The following GXYLT1 variants were observed in gnomAD, a reference collection of about 807,000 sequenced individuals.
GXYLT1 encodes the protein glucoside xylosyltransferase 1, also known as glycosyltransferase 8 domain containing 3.
A neutral mutation model predicts 54.0 loss-of-function variants in GXYLT1; 29 were observed. The observed-to-expected ratio is 0.54, with a 90% CI of 0.40 to 0.73. The LOEUF is 0.73. GXYLT1 is among the 30% of genes least tolerant of loss of function. The pLI is 0.00. For missense variants in GXYLT1, 490 were observed against 553.4 expected, an observed-to-expected ratio of 0.89 and a Z score of 1.15; for synonymous variants, 176 against 204.1, an observed-to-expected ratio of 0.86 and a Z score of 1.17.
intron 2 of GXYLT1, among the ~76,000 whole-genome samples, chr12:42,124,683 A>G (rs2063972626): frequency 6.6e-6 from 1 of 152,234 alleles, no homozygotes; most frequent in Admixed American, 6.5e-5. Context: ...TTAAAACACA[A>G]TTTAGTGATA....
intron 2 of GXYLT1, among the ~76,000 whole-genome samples, chr12:42,126,470 T>C (rs894406219): frequency 2.7e-4 from 41 of 152,252 alleles, no homozygotes; most frequent in African/African-American, 9.6e-4. Flanking sequence ...TTTAAAGACA[T>C]AAAGCCAGGC....
At chr12:42,129,011 T>C (rs186405071) in intron 2 of GXYLT1, among the ~76,000 whole-genome samples, 21 of 152,222 alleles carry the variant, frequency 1.4e-4, no homozygotes, top group East Asian at 3.9e-4. Context: ...ACGCAGTAAA[T>C]AGATACTCTT....
chr12:42,130,980 C>T (rs2136916379), intron 1 of GXYLT1, among the ~76,000 whole-genome samples: 1 of 152,146 alleles, frequency 6.6e-6, no homozygotes, highest in African/African-American at 2.4e-5. Context: ...TTTTTAACCA[C>T]CCTCCCTGCC....
At chr12:42,134,644 T>C (rs1438950748) in intron 1 of GXYLT1, among the ~76,000 whole-genome samples, 2 of 152,204 alleles carry the variant, frequency 1.3e-5, no homozygotes, top group African/African-American at 4.8e-5. Context: ...ATATGGTTCA[T>C]CCATTCATGT....
At chr12:42,109,541 A>C in intron 4 of GXYLT1, 25 bp downstream of exon 4, 6 of 1,444,070 alleles carry the variant, frequency 4.2e-6, no homozygotes, top group Non-Finnish European at 5.5e-6. Context: ...AAAAAAAAAA[A>C]AAGACACTAG....
intron 4 of GXYLT1, 123 bp downstream of exon 4, chr12:42,109,443 T>C: frequency 1.5e-6 from 1 of 658,408 alleles, no homozygotes; most frequent in Non-Finnish European, 2.2e-6. Context: ...ATGCATTGAT[T>C]TCTATTTACT....
At chr12:42,099,510 T>C (rs2065377371) in intron 5 of GXYLT1, among the ~76,000 whole-genome samples, 1 of 152,214 alleles carries the variant, frequency 6.6e-6, no homozygotes. Flanking sequence ...TTGTCTAATA[T>C]GGGGGCTTGT....
intron 2 of GXYLT1, among the ~76,000 whole-genome samples, chr12:42,127,886 C>T (rs1334033987): frequency 6.6e-6 from 1 of 152,202 alleles, no homozygotes; most frequent in Non-Finnish European, 1.5e-5. Flanking sequence ...TGGAATATTA[C>T]TTGGCTCATA....
chr12:42,102,665 A>G (rs1268696405), intron 5 of GXYLT1, among the ~76,000 whole-genome samples: 3 of 152,148 alleles, frequency 2.0e-5, no homozygotes, highest in Admixed American at 6.5e-5. Flanking sequence ...AATTCCCACC[A>G]TGTCTAATTT....
chr12:42,084,610 G>C lies in GXYLT1; in HGVS notation c.*3176C>G, dbSNP rs200969639. 6.6e-6 allele frequency: 1 copy of C among 152,348 alleles called. No individual in the cohort carries two copies. The highest frequency in any genetic ancestry group is 1.9e-4 in the East Asian group (1 of 5,188). 9.4% of individuals were successfully genotyped at this position (152,348 alleles called of 1,614,324 possible). On this transcript the variant is annotated 3_prime_UTR_variant, in exon 8 of 8. Transcript: ENST00000398675. ...CTTAAAAACCTAAGGCACAGAGAAG[G>C]GTAAATAACATGCCTGAGTTACTAA...
intron 1 of GXYLT1, among the ~76,000 whole-genome samples, chr12:42,142,337 ATTT>A (rs201702582): frequency 5.7e-5 from 8 of 140,186 alleles, no homozygotes; most frequent in Admixed American, 7.1e-5. Context: ...AAAAAAGTTA[ATTT>A]TTTTTTTTTT....
chr12:42,120,548 A>C (rs572829696), intron 2 of GXYLT1, among the ~76,000 whole-genome samples: 1 of 151,742 alleles, frequency 6.6e-6, no homozygotes, highest in Non-Finnish European at 1.5e-5. Flanking sequence ...CCTTCTTTTT[A>C]GAGACAGGGT....
chr12:42,097,838 GC>G lies in GXYLT1; in HGVS notation c.988+71del, dbSNP rs2065365089. 3 of 1,164,182 alleles carry G rather than the reference GC, an allele frequency of 2.6e-6. No individual in the cohort carries two copies. In the East Asian group the frequency reaches 7.2e-5, roughly 28 times the overall value. 72.1% of individuals were successfully genotyped at this position (1,164,182 alleles called of 1,614,324 possible). A position where few individuals can be genotyped will look rare whatever the true frequency, so the allele number is the denominator to read the frequency against. ...TAATATAAGACAGAATCAGATAAGTGCATGTTTTCCTTTTTCACTAAGTATT... is the reference window on the plus strand; with the variant it reads ...TAATATAAGACAGAATCAGATAAGTGATGTTTTCCTTTTTCACTAAGTATT... On this transcript the variant is annotated intron_variant, in intron 6 of 7. Transcript: ENST00000398675.
chr12:42,092,743 G>A (rs1394818213), intron 7 of GXYLT1, among the ~76,000 whole-genome samples: 1 of 151,972 alleles, frequency 6.6e-6, no homozygotes, highest in Admixed American at 6.6e-5. Flanking sequence ...TTCAAAACCT[G>A]TAGCAAAAAA....
At position 42,086,503 on chromosome 12, in the gene GXYLT1, C is replaced by T. The variant is rs2065294196; in HGVS notation, c.*1283G>A. ...ATATCAGGGAGAAAAAGAAGATAACCATATAGATAATCATATTGTTGGTAA... is the reference window on the plus strand; with the variant it reads ...ATATCAGGGAGAAAAAGAAGATAACTATATAGATAATCATATTGTTGGTAA... On this transcript the variant is annotated 3_prime_UTR_variant, in exon 8 of 8. Coordinates refer to ENST00000398675, the MANE Select transcript of GXYLT1 (RefSeq NM_173601.2). The T allele has an allele frequency of 6.6e-6, 1 of 151,914 alleles. No individual in the cohort carries two copies. The highest frequency in any genetic ancestry group is 1.5e-5 in the Non-Finnish European group (1 of 67,996). The allele number at this position is 151,914 out of a possible 1,614,324, so 9.4% of individuals were successfully genotyped here.
Position 42,082,584 on chromosome 12 carries a change from T to C in GXYLT1, c.*5202A>G, listed in dbSNP as rs1009714744. On this transcript the variant is annotated 3_prime_UTR_variant, in exon 8 of 8. Coordinates refer to ENST00000398675, the MANE Select transcript of GXYLT1 (RefSeq NM_173601.2). ...GCCTCAAACTCTTGCACTCAAGCAA[T>C]CCTCCTGCCTCAACTTCCTGTGTAG... 6.6e-6 allele frequency: 1 copy of C among 152,170 alleles called. No individual in the cohort carries two copies. Among genetic ancestry groups the C allele is most frequent in the Non-Finnish European group, 1.5e-5 (1 of 68,040 alleles). The allele number at this position is 152,170 out of a possible 1,614,324, so 9.4% of individuals were successfully genotyped here. A position where few individuals can be genotyped will look rare whatever the true frequency, so the allele number is the denominator to read the frequency against.
chr12:42,109,765 T>C, intron 3 of GXYLT1, 74 bp from the exon 4 acceptor site: 1 of 1,007,516 alleles, frequency 9.9e-7, no homozygotes. Context: ...CAACAGATTA[T>C]AAAACAAAAG....
At chr12:42,098,218 A>G (rs560811419) in intron 5 of GXYLT1, among the ~76,000 whole-genome samples, 185 bp from the exon 6 acceptor site, 18 of 152,304 alleles carry the variant, frequency 1.2e-4, no homozygotes, top group African/African-American at 4.3e-4. Flanking sequence ...AACAGAAGAT[A>G]ACAAAAGGAA....
intron 1 of GXYLT1, among the ~76,000 whole-genome samples, chr12:42,137,198 C>A (rs1010199771): frequency 2.3e-4 from 35 of 152,162 alleles, no homozygotes; most frequent in African/African-American, 7.9e-4. Flanking sequence ...CATGGTGAAA[C>A]CTCATCTCTA....
Sources: allele counts gnomAD v4.1 joint callset (sites outside exome capture counted in the v4.1 genomes callset), GRCh38; gene constraint gnomAD v4.1.1; transcripts MANE v1.5; gene names NCBI Gene and HGNC (gene_info 2026-07-23, HGNC 2026-07-21).